VOPP1: variants seen among roughly 807,000 people sequenced by gnomAD.
VOPP1 encodes VOPP1 WW domain binding protein.
VOPP1 carries 8 observed loss-of-function variants against 23.5 expected under a neutral mutation model. That is an observed-to-expected ratio of 0.34 (90% CI 0.20 to 0.61). The LOEUF (loss-of-function observed/expected upper bound fraction) is 0.61, where lower values mean the gene tolerates loss of function less well. Ranked by LOEUF, VOPP1 falls within the 20% of genes least tolerant of loss-of-function variation. The pLI is 0.78. For synonymous variants in VOPP1, 83 were observed against 97.3 expected (o/e 0.85, Z 0.86); for missense variants, 174 against 238.1 (o/e 0.73, Z 1.77).
At chr7:55,557,554 C>A (rs561590670) in intron 1 of VOPP1, among the ~76,000 whole-genome samples, 2 of 152,192 alleles carry the variant, frequency 1.3e-5, no homozygotes, top group South Asian at 4.2e-4. Flanking sequence ...GACTTCCAAT[C>A]TGAAAATTCC....
chr7:55,507,351 G>GGAA (rs1756137930), intron 2 of VOPP1, among the ~76,000 whole-genome samples: 1 of 152,170 alleles, frequency 6.6e-6, no homozygotes, highest in African/African-American at 2.4e-5. Context: ...CTTGGTGCTG[G>GGAA]GAAGGAACAT....
At chr7:55,468,271 G>GAA (rs747918983), downstream of VOPP1, among the ~76,000 whole-genome samples, 122 of 54,200 alleles carry the variant, frequency 2.3e-3, no homozygotes, top group African/African-American at 6.1e-3. Flanking sequence ...CTTCGTCTCA[G>GAA]AAAAAAAAAA....
intron 4 of VOPP1, among the ~76,000 whole-genome samples, chr7:55,490,688 G>A (rs912182739): frequency 3.3e-5 from 5 of 152,158 alleles, no homozygotes; most frequent in African/African-American, 1.2e-4. Context: ...CATTTTAACA[G>A]AAATTTTGCA....
At position 55,544,992 on chromosome 7, in the gene VOPP1, T is replaced by C. The variant is rs1445875538; in HGVS notation, c.55-23862A>G. 3.9e-5 allele frequency among the ~76,000 whole-genome samples: 6 copies of C among 152,328 alleles called. No homozygotes were observed. In the East Asian group the frequency reaches 1.2e-3, roughly 29 times the overall value. On this transcript the variant is annotated intron_variant, in intron 1 of 4. Coordinates refer to ENST00000285279, the MANE Select transcript of VOPP1 (RefSeq NM_030796.5). ...ACTGAGAGGATAGAGGAAGAGAGAT[T>C]AAATAATGTCTAGCACTGTTAAATC...
chr7:55,446,583 C>A (rs537269359), intron 4 of VOPP1, among the ~76,000 whole-genome samples: 1 of 152,130 alleles, frequency 6.6e-6, no homozygotes, highest in Non-Finnish European at 1.5e-5. Context: ...GAAACCACAC[C>A]CATAGAGGTT....
downstream of VOPP1, among the ~76,000 whole-genome samples, chr7:55,466,733 T>C (rs112465803): frequency 0.012 from 1,825 of 152,236 alleles, 13 homozygotes; most frequent in Admixed American, 0.021. Flanking sequence ...GTTCAAGTGA[T>C]CCTCCTGCCT....
downstream of VOPP1, among the ~76,000 whole-genome samples, chr7:55,468,066 G>C (rs1211922361): frequency 6.6e-6 from 1 of 152,164 alleles, no homozygotes; most frequent in Admixed American, 6.5e-5. Context: ...GAGGTCAAGA[G>C]ATCAAGACCA....
intron 4 of VOPP1, among the ~76,000 whole-genome samples, chr7:55,438,428 A>C (rs1790885044): frequency 6.6e-6 from 1 of 152,144 alleles, no homozygotes; most frequent in Non-Finnish European, 1.5e-5. Context: ...TAAGGTAATA[A>C]ATGATACAGA....
chr7:55,550,219 G>A (rs112894531), intron 1 of VOPP1, among the ~76,000 whole-genome samples: 164 of 152,308 alleles, frequency 1.1e-3, no homozygotes, highest in African/African-American at 3.6e-3. Context: ...CCGAAGGTGC[G>A]ACACCAGCCC....
At chr7:55,506,403 T>G (rs1328498820) in intron 2 of VOPP1, among the ~76,000 whole-genome samples, 1 of 152,220 alleles carries the variant, frequency 6.6e-6, no homozygotes, top group East Asian at 1.9e-4. Context: ...TGGCACGATC[T>G]CGGCTCACTG....
intron 4 of VOPP1, among the ~76,000 whole-genome samples, chr7:55,475,741 G>C (rs1307767347): frequency 6.6e-6 from 1 of 152,234 alleles, no homozygotes; most frequent in East Asian, 1.9e-4. Flanking sequence ...GGCTGGGGTT[G>C]CAGAAAGACT....
intron 4 of VOPP1, among the ~76,000 whole-genome samples, chr7:55,482,998 C>T (rs115617870): frequency 0.015 from 2,266 of 152,300 alleles, 63 homozygotes; most frequent in African/African-American, 0.05. Flanking sequence ...GATCCTCAAG[C>T]ATCTGCCAGA....
intron 1 of VOPP1, among the ~76,000 whole-genome samples, chr7:55,542,799 A>C (rs982462251): frequency 1.3e-5 from 2 of 152,128 alleles, no homozygotes; most frequent in Non-Finnish European, 2.9e-5. Context: ...CCAAGAAAAA[A>C]AAAAAAATAC....
chr7:55,444,313 A>C (rs1791042844), intron 4 of VOPP1, among the ~76,000 whole-genome samples: 2 of 152,168 alleles, frequency 1.3e-5, no homozygotes, highest in South Asian at 4.1e-4. Flanking sequence ...CCCTATTTCC[A>C]AATAAAGTCG....
chr7:55,441,496 C>A (rs1790964033), intron 4 of VOPP1, among the ~76,000 whole-genome samples: 1 of 152,326 alleles, frequency 6.6e-6, no homozygotes, highest in East Asian at 1.9e-4. Context: ...GGGTTCCAAT[C>A]TGGGCTTTGC....
chr7:55,453,884 T>A (rs913523735), intron 4 of VOPP1, among the ~76,000 whole-genome samples: 3 of 152,210 alleles, frequency 2.0e-5, no homozygotes, highest in African/African-American at 7.2e-5. Context: ...GCCTGTAATA[T>A]GAATGTACAA....
chr7:55,479,560 C>G (rs1262012139), intron 4 of VOPP1, among the ~76,000 whole-genome samples: 3 of 152,130 alleles, frequency 2.0e-5, no homozygotes, highest in Non-Finnish European at 4.4e-5. Flanking sequence ...TGTTTACAAA[C>G]AGTAATAGTT....
At chr7:55,500,067 TGTGCAAAGACAGGCGTCCTCAGCACTCCA>T (rs1205726941) in intron 2 of VOPP1, among the ~76,000 whole-genome samples, 1 of 152,146 alleles carries the variant, frequency 6.6e-6, no homozygotes, top group Non-Finnish European at 1.5e-5. Context: ...CTCTCACGAA[TGTGCAAAGACAGGCGTCCTCAGCACTCCA>T]GTGAGGTTCA....
At position 55,470,860 on chromosome 7, in the gene VOPP1, C is replaced by T. The variant is rs1562890415; in HGVS notation, c.*1995G>A. On this transcript the variant is annotated 3_prime_UTR_variant, in exon 5 of 5. Transcript: ENST00000285279. Reference sequence around the variant, plus strand: ...GGAAATGTCACCGAAGTGGGACTTCCATATGCAGGATCAGCGTTCACAGTA... The same window carrying T: ...GGAAATGTCACCGAAGTGGGACTTCTATATGCAGGATCAGCGTTCACAGTA... The T allele has an allele frequency of 6.6e-6, 1 of 152,074 alleles. No individual in the cohort carries two copies. The highest frequency in any genetic ancestry group is 1.5e-5 in the Non-Finnish European group (1 of 67,960). The allele number at this position is 152,074 out of a possible 1,614,324, so 9.4% of individuals were successfully genotyped here.
Sources: allele counts gnomAD v4.1 joint callset (sites outside exome capture counted in the v4.1 genomes callset), GRCh38; gene constraint gnomAD v4.1.1; transcripts MANE v1.5; gene names NCBI Gene and HGNC (gene_info 2026-07-23, HGNC 2026-07-21).